The following PBXIP1 variants were observed in gnomAD, a reference collection of about 807,000 sequenced individuals.
PBXIP1 encodes pre-B-cell leukemia transcription factor-interacting protein 1.
In PBXIP1, 73 loss-of-function variants were observed where a neutral mutation model predicts 73.7. The ratio of observed to expected loss-of-function variants is 0.99; its 90% CI spans 0.82 to 1.20. PBXIP1 has a LOEUF of 1.20. Among genes scored for constraint, PBXIP1 ranks in the 50% most tolerant of loss-of-function variants. The probability of loss-of-function intolerance (pLI) is 0.00; values close to 1 mark genes in which losing one functional copy is unlikely to be tolerated. For missense variants in PBXIP1, 818 were observed against 911.4 expected (o/e 0.90, Z 1.32); for synonymous variants, 330 against 366.9 (o/e 0.90, Z 1.15).
At position 154,948,154 on chromosome 1, in the gene PBXIP1, G is replaced by C. The variant is rs1438555927; in HGVS notation, c.622C>G (p.Leu208Val). 1 of 1,589,408 alleles carries C rather than the reference G, an allele frequency of 6.3e-7. No individual in the cohort carries two copies. Among genetic ancestry groups the C allele is most frequent in the East Asian group, 2.2e-5 (1 of 44,620 alleles). ...TCACCTGAGAAGAGGAGGACCCCCA[G>C]GCCAAGCAGAACCAGGGCCCCAAGG... ...CLLGALVLLG[L>V]GVLLFSGGLS... The change falls in exon 6 of 11, where the codon CTG becomes GTG. Residue 208 changes from leucine (L) to valine (V), a missense_variant. Physicochemically the swap from Leu to Val is conservative, Grantham distance 32. Coordinates refer to ENST00000368463, the MANE Select transcript of PBXIP1 (RefSeq NM_020524.4).
Position 154,945,905 on chromosome 1 carries a change from C to A in PBXIP1, c.1769G>T (p.Gly590Val), listed in dbSNP as rs750179076. 2.5e-6 allele frequency: 4 copies of A among 1,614,224 alleles called. No homozygotes were observed. The highest frequency in any genetic ancestry group is 3.4e-6 in the Non-Finnish European group (4 of 1,180,006). The change falls in exon 10 of 11, where the codon GGT becomes GTT. Residue 590 changes from glycine to valine, a missense_variant. Gly to Val is a moderately radical substitution (Grantham distance 109). Transcript: ENST00000368463. ...CTCCTGCCGGGCACACTCGTCCACA[C>A]CTGAGCAGCCCTGGGGTGCCCGGTA... ...PKYRAPQGCSGVDECARQEGL... is the reference protein window; with the variant it reads ...PKYRAPQGCSVVDECARQEGL...
At chr1:154,954,736 G>A (rs1331562477) in intron 1 of PBXIP1, among the ~76,000 whole-genome samples, 1 of 152,160 alleles carries the variant, frequency 6.6e-6, no homozygotes, top group Non-Finnish European at 1.5e-5. Flanking sequence ...CACAAAGCAG[G>A]GTAAGAAGAG....
In PBXIP1 at chr1:154,945,677, C is replaced by T. The variant is rs1654780253; in HGVS notation, c.1997G>A (p.Ser666Asn). ...CTGTTGCACAGCCACCTCCTCCAAG[C>T]TGTCCTCCAGGGCATCCACAAAATC... ...FRDFVDALED[S>N]LEEVAVQQTG... The change falls in exon 10 of 11, where the codon AGC becomes AAC. Residue 666 changes from serine (S) to asparagine (N), a missense_variant. By Grantham distance (46) the Ser-to-Asn change is conservative. Coordinates refer to ENST00000368463, the MANE Select transcript of PBXIP1 (RefSeq NM_020524.4). 3.1e-6 allele frequency: 5 copies of T among 1,614,220 alleles called. No homozygotes were observed. Among genetic ancestry groups the T allele is most frequent in the Non-Finnish European group, 4.2e-6 (5 of 1,180,044 alleles).
chr1:154,945,969 C>T lies in PBXIP1; in HGVS notation c.1705G>A (p.Asp569Asn). ...AGCTCTGCCCAGGATGGCAGGGGGT[C>T]ATGGCTGTCCTTAGTCCCTTCCCTC... is the stretch of plus-strand genomic sequence containing the variant. ...RWREGTKDSHDPLPSWAELLR... is the reference protein window; with the variant it reads ...RWREGTKDSHNPLPSWAELLR... The change falls in exon 10 of 11, where the codon GAC becomes AAC. Residue 569 changes from aspartate to asparagine, a missense_variant. Coordinates refer to ENST00000368463, the MANE Select transcript of PBXIP1 (RefSeq NM_020524.4). The T allele has an allele frequency of 6.2e-7, 1 of 1,613,998 alleles. No homozygotes were observed. Among genetic ancestry groups the T allele is most frequent in the Non-Finnish European group, 8.5e-7 (1 of 1,179,876 alleles).
At chr1:154,954,934 G>A (rs1655131293) in intron 1 of PBXIP1, 2 of 978,188 alleles carry the variant, frequency 2.0e-6, no homozygotes, top group South Asian at 9.5e-5. Context: ...AAGTGAGGCT[G>A]GGAGAGTATG....
At chr1:154,947,850 G>A in intron 7 of PBXIP1, 132 bp downstream of exon 7, 1 of 1,350,680 alleles carries the variant, frequency 7.4e-7, no homozygotes, top group Non-Finnish European at 1.1e-6. Flanking sequence ...AAAGGGCCAA[G>A]GGGCACCCTG....
intron 5 of PBXIP1, among the ~76,000 whole-genome samples, chr1:154,949,480 A>G (rs1162300758): frequency 6.6e-6 from 1 of 152,042 alleles, no homozygotes; most frequent in African/African-American, 2.4e-5. Context: ...TCCATCATGA[A>G]TGAGACACAG....
At position 154,945,627 on chromosome 1, in the gene PBXIP1, CATCTACTT is replaced by C. The variant is rs746321973; in HGVS notation, c.2039_2046del (p.Glu680GlyfsTer3). The C allele has an allele frequency of 2.5e-6, 4 of 1,614,024 alleles. No individual in the cohort carries two copies. Among genetic ancestry groups the C allele is most frequent in the Non-Finnish European group, 3.4e-6 (4 of 1,179,972 alleles). ...TGGCTGAAGATGAAGTCCTCAAAGTCATCTACTTCATCATCATCACCTGTCTGTTGCAC... is the reference window on the plus strand; with the variant it reads ...TGGCTGAAGATGAAGTCCTCAAAGTCCATCATCATCACCTGTCTGTTGCAC... On this transcript the variant is annotated frameshift_variant, in exon 10 of 11. Coordinates refer to ENST00000368463, the MANE Select transcript of PBXIP1 (RefSeq NM_020524.4). LOFTEE classifies it high-confidence loss of function.
At chr1:154,954,290 G>A (rs1655105168) in intron 1 of PBXIP1, among the ~76,000 whole-genome samples, 1 of 152,198 alleles carries the variant, frequency 6.6e-6, no homozygotes, top group South Asian at 2.1e-4. Flanking sequence ...TAAGTCCTTG[G>A]TATGGTCTAG....
In PBXIP1 at chr1:154,948,230, A is replaced by G; in HGVS notation, c.546T>C (p.Ala182=). Residue 182 remains alanine (A), a synonymous_variant, in exon 6 of 11, where the codon GCT becomes GCC. Transcript: ENST00000368463. ...GCTCCCCGCCTGCACCCTCACCCCCAGCCTGGTTCTCCACAGCCAGGGGCA... is the reference window on the plus strand; with the variant it reads ...GCTCCCCGCCTGCACCCTCACCCCCGGCCTGGTTCTCCACAGCCAGGGGCA... The part of the protein sequence containing the change: ...PMVPLAVENQ[A]GGEGAGGELG... The G allele has an allele frequency of 1.2e-6, 2 of 1,612,598 alleles. No individual in the cohort carries two copies. The highest frequency in any genetic ancestry group is 1.7e-6 in the Non-Finnish European group (2 of 1,179,362).
chr1:154,954,669 G>T (rs1655120391), intron 1 of PBXIP1, among the ~76,000 whole-genome samples: 1 of 152,208 alleles, frequency 6.6e-6, no homozygotes, highest in Admixed American at 6.5e-5. Context: ...CGGTTAATCT[G>T]CTCTGACTTG....
rs1352274912 is a variant in PBXIP1, at chr1:154,945,680, T to C, written c.1994A>G (p.Asp665Gly). ...RFRDFVDALE[D>G]SLEEVAVQQT... is the part of the protein sequence containing the mutation. ...TTGCACAGCCACCTCCTCCAAGCTG[T>C]CCTCCAGGGCATCCACAAAATCCCG... The change falls in exon 10 of 11, where the codon GAC (aspartate) becomes GGC (glycine). Residue 665 changes from aspartate to glycine, a missense_variant. Coordinates refer to ENST00000368463, the MANE Select transcript of PBXIP1 (RefSeq NM_020524.4). The C allele has an allele frequency of 1.9e-6, 3 of 1,614,134 alleles. No homozygotes were observed. In the South Asian group the frequency reaches 3.3e-5, roughly 18 times the overall value.
chr1:154,947,912 C>A, intron 7 of PBXIP1, 70 bp downstream of exon 7: 1 of 1,528,400 alleles, frequency 6.5e-7, no homozygotes, highest in Non-Finnish European at 9.1e-7. Context: ...CCCAGCACCC[C>A]TACTCCTGAC....
intron 1 of PBXIP1, chr1:154,954,921 G>C: frequency 1.0e-6 from 1 of 964,896 alleles, no homozygotes; most frequent in Non-Finnish European, 1.2e-6. Flanking sequence ...CTCAGGAAAA[G>C]GGAAGTGAGG....
chr1:154,946,958 C>T (rs955062737), intron 9 of PBXIP1, 155 bp from the exon 10 acceptor site: 10 of 637,708 alleles, frequency 1.6e-5, no homozygotes, highest in Non-Finnish European at 5.3e-6. Flanking sequence ...TCATCCTCCA[C>T]CCCATCTCCA....
chr1:154,950,995 T>C (rs1312604746), intron 5 of PBXIP1, among the ~76,000 whole-genome samples: 3 of 152,264 alleles, frequency 2.0e-5, no homozygotes, highest in Non-Finnish European at 2.9e-5. Flanking sequence ...GAGGTCCCCA[T>C]GGCAGAGAGG....
Position 154,951,638 on chromosome 1 carries a change from GA to G in PBXIP1, c.179-104del. On this transcript the variant is annotated intron_variant, in intron 3 of 10. Transcript: ENST00000368463. The surrounding 1 kb of genome is among the most constrained non-coding windows in gnomAD (Gnocchi z 4.3). ...GCCCCTACCAGGTTGGAAGAGGCAG[GA>G]AAAAGCCAGGATGGAATGAGAAAAG... is the stretch of plus-strand genomic sequence containing the variant. The G allele has an allele frequency of 7.0e-7, 1 of 1,438,552 alleles. No homozygotes were observed. Among genetic ancestry groups the G allele is most frequent in the South Asian group, 1.2e-5 (1 of 85,894 alleles). The allele number at this position is 1,438,552 out of a possible 1,614,324, so 89.1% of individuals were successfully genotyped here.
chr1:154,944,827 T>C lies in PBXIP1; in HGVS notation c.*197A>G, dbSNP rs1324452731. ...CCTGGAGTATTTGCATGCATTTGCA[T>C]AGACGGCAACGCAGGTCCAGCTAAG... On this transcript the variant is annotated 3_prime_UTR_variant, in exon 11 of 11. Transcript: ENST00000368463. The C allele has an allele frequency of 5.4e-6, 3 of 558,064 alleles. No individual in the cohort carries two copies. Among genetic ancestry groups the C allele is most frequent in the Non-Finnish European group, 3.2e-6 (1 of 310,918 alleles). 34.6% of individuals were successfully genotyped at this position (558,064 alleles called of 1,614,324 possible).
Position 154,946,312 on chromosome 1 carries a change from G to T in PBXIP1, c.1362C>A (p.Ala454=), listed in dbSNP as rs373071090. ...ENWGQDPGVS[A]NASKAWHQKS... The stretch of plus-strand genomic sequence containing the variant: ...TCTGGTGCCAGGCCTTTGAGGCATT[G>T]GCAGAGACCCCAGGGTCCTGGCCCC... Residue 454 remains alanine (A), a synonymous_variant, in exon 10 of 11, where the codon GCC becomes GCA. Coordinates refer to ENST00000368463, the MANE Select transcript of PBXIP1 (RefSeq NM_020524.4). 3 of 1,614,012 alleles carry T rather than the reference G, an allele frequency of 1.9e-6. No individual in the cohort carries two copies. Among genetic ancestry groups the T allele is most frequent in the Non-Finnish European group, 2.5e-6 (3 of 1,180,034 alleles).
Sources: allele counts gnomAD v4.1 joint callset (sites outside exome capture counted in the v4.1 genomes callset), GRCh38; gene constraint gnomAD v4.1.1; non-coding constraint Gnocchi (gnomAD v3.1); transcripts MANE v1.5; gene names NCBI Gene and HGNC (gene_info 2026-07-23, HGNC 2026-07-21).